Variants in DYRK1A observed in about 807,000 individuals in gnomAD.
DYRK1A encodes the protein dual specificity tyrosine phosphorylation regulated kinase 1A.
A neutral mutation model predicts 79.7 loss-of-function variants in DYRK1A; 9 were observed. That is an observed-to-expected ratio of 0.11 (90% CI 0.07 to 0.20). The LOEUF is 0.20. Among genes scored for constraint, DYRK1A ranks in the 10% least tolerant of loss-of-function variants. DYRK1A has a pLI of 1.00. For missense variants in DYRK1A, 622 were observed against 956.0 expected (o/e 0.65, Z 4.61); for synonymous variants, 349 against 329.7 (o/e 1.06, Z -0.63).
At chr21:37,471,450 C>T (rs1334424048) in intron 2 of DYRK1A, among the ~76,000 whole-genome samples, 1 of 152,202 alleles carries the variant, frequency 6.6e-6, no homozygotes, top group African/African-American at 2.4e-5. Flanking sequence ...ACAAGGTGGG[C>T]ACTGGCCCCA....
At chr21:37,472,607 G>A (rs1470374020) in intron 2 of DYRK1A, 77 bp from the exon 3 acceptor site, 1 of 1,246,440 alleles carries the variant, frequency 8.0e-7, no homozygotes, top group Non-Finnish European at 1.1e-6. Context: ...TCTTATTTAA[G>A]GAACCATTAG....
At chr21:37,379,863 G>T (rs554740913) in intron 1 of DYRK1A, among the ~76,000 whole-genome samples, 2 of 152,240 alleles carry the variant, frequency 1.3e-5, no homozygotes, top group African/African-American at 4.8e-5. Flanking sequence ...TATTTATTGA[G>T]CACCTGCTGG....
At chr21:37,371,358 A>C (rs1308376571) in intron 1 of DYRK1A, among the ~76,000 whole-genome samples, 1 of 152,242 alleles carries the variant, frequency 6.6e-6, no homozygotes, top group Non-Finnish European at 1.5e-5. Flanking sequence ...TGGAAACAAA[A>C]TGATTTGGAA....
At chr21:37,509,002 T>G (rs2053677801) in intron 11 of DYRK1A, among the ~76,000 whole-genome samples, 1 of 152,228 alleles carries the variant, frequency 6.6e-6, no homozygotes, top group Non-Finnish European at 1.5e-5. Flanking sequence ...CCCACCTGGA[T>G]TTCACAGAGG....
chr21:37,492,357 T>G (rs1227949447), intron 7 of DYRK1A, among the ~76,000 whole-genome samples: 1 of 152,212 alleles, frequency 6.6e-6, no homozygotes, highest in African/African-American at 2.4e-5. Context: ...TGAAACAAAT[T>G]GGTCTCTGAA....
chr21:37,395,347 C>T (rs1228626796), intron 1 of DYRK1A, among the ~76,000 whole-genome samples: 1 of 152,138 alleles, frequency 6.6e-6, no homozygotes, highest in African/African-American at 2.4e-5. Context: ...AGGATGATGT[C>T]GCCCTTCAAG....
Position 37,512,828 on chromosome 21 carries a change from A to C in DYRK1A, c.*297A>C. Reference sequence around the variant, plus strand: ...GGGTTTTTTTGTCTTTCTATTCAGCAAAAGTTAATATTCAGATGTTGGTCT... The same window carrying C: ...GGGTTTTTTTGTCTTTCTATTCAGCCAAAGTTAATATTCAGATGTTGGTCT... On this transcript the variant is annotated 3_prime_UTR_variant, in exon 12 of 12. Coordinates refer to ENST00000647188, the MANE Select transcript of DYRK1A (RefSeq NM_001347721.2). The C allele has an allele frequency of 5.6e-6, 2 of 359,722 alleles. No individual in the cohort carries two copies. Among genetic ancestry groups the C allele is most frequent in the South Asian group, 1.3e-4 (2 of 15,276 alleles). The allele number at this position is 359,722 out of a possible 1,614,324, so 22.3% of individuals were successfully genotyped here.
At chr21:37,408,166 T>C (rs1046696544) in intron 1 of DYRK1A, among the ~76,000 whole-genome samples, 3 of 152,254 alleles carry the variant, frequency 2.0e-5, no homozygotes, top group African/African-American at 7.2e-5. Flanking sequence ...TCAGTCATGG[T>C]ATGTTTGTAA....
chr21:37,377,608 A>G (rs1206929063), intron 1 of DYRK1A, among the ~76,000 whole-genome samples: 1 of 152,144 alleles, frequency 6.6e-6, no homozygotes, highest in Non-Finnish European at 1.5e-5. Flanking sequence ...AGCTGAGATT[A>G]TAGGTGTACA....
chr21:37,465,636 A>T (rs1473215336), intron 2 of DYRK1A, among the ~76,000 whole-genome samples: 1 of 152,166 alleles, frequency 6.6e-6, no homozygotes, highest in East Asian at 1.9e-4. Context: ...CAGGAGTTCA[A>T]GACCAGCCTG....
At chr21:37,405,835 G>A (rs755539660) in intron 1 of DYRK1A, among the ~76,000 whole-genome samples, 1 of 152,132 alleles carries the variant, frequency 6.6e-6, no homozygotes, top group East Asian at 1.9e-4. Context: ...GTGACAGCAA[G>A]CCTCACTCTA....
Position 37,512,156 on chromosome 21 carries a change from C to A in DYRK1A, c.1890C>A (p.Ser630Arg). 1 of 1,614,172 alleles carries A rather than the reference C, an allele frequency of 6.2e-7. No homozygotes were observed. Among genetic ancestry groups the A allele is most frequent in the Non-Finnish European group, 8.5e-7 (1 of 1,180,026 alleles). The change falls in exon 12 of 12, where the codon AGC becomes AGA. Residue 630 changes from serine (S) to arginine (R), a missense_variant. By Grantham distance (110) the Ser-to-Arg change is moderately radical. This residue lies in a region of DYRK1A where 292 missense variants were observed against 316.7 expected (regional missense o/e 0.92). Coordinates refer to ENST00000647188, the MANE Select transcript of DYRK1A (RefSeq NM_001347721.2). Reference sequence around the variant, plus strand: ...GGGTCTACAATTCTCCAACGAATAGCTCCTCTACCCAAGATTCTATGGAGG... The same window carrying A: ...GGGTCTACAATTCTCCAACGAATAGATCCTCTACCCAAGATTCTATGGAGG... ...RPRVYNSPTNSSSTQDSMEVG... is the reference protein window; with the variant it reads ...RPRVYNSPTNRSSTQDSMEVG...
At chr21:37,395,741 C>G (rs944787560) in intron 1 of DYRK1A, among the ~76,000 whole-genome samples, 3 of 152,022 alleles carry the variant, frequency 2.0e-5, no homozygotes, top group African/African-American at 7.2e-5. Flanking sequence ...TAAGATTTTA[C>G]TTACATTTAA....
Position 37,478,234 on chromosome 21 carries a change from C to T in DYRK1A, c.234C>T (p.Asp78=), listed in dbSNP as rs1049764. 4.8e-4 allele frequency: 781 copies of T among 1,613,992 alleles called. No homozygotes were observed. Among genetic ancestry groups the T allele is most frequent in the Non-Finnish European group, 6.1e-4 (722 of 1,179,980 alleles). The part of the protein sequence containing the change: ...NQRRMPQTFR[D]PATAPLRKLS... ...GGCGGATGCCCCAAACCTTCCGTGA[C>T]CCAGCAACTGCTCCCCTGAGAAAAC... Residue 78 remains aspartate, a synonymous_variant, in exon 4 of 12, where the codon GAC becomes GAT. Coordinates refer to ENST00000647188, the MANE Select transcript of DYRK1A (RefSeq NM_001347721.2).
At chr21:37,417,091 A>T (rs1216200368) in intron 1 of DYRK1A, among the ~76,000 whole-genome samples, 1 of 152,150 alleles carries the variant, frequency 6.6e-6, no homozygotes, top group African/African-American at 2.4e-5. Flanking sequence ...TGCACCTGCC[A>T]TTTAGTTTAT....
chr21:37,425,008 G>A lies in DYRK1A; in HGVS notation c.10+4624G>A, dbSNP rs558327155. On this transcript the variant is annotated intron_variant, in intron 2 of 11. Coordinates refer to ENST00000647188, the MANE Select transcript of DYRK1A (RefSeq NM_001347721.2). Reference sequence around the variant, plus strand: ...AAGTAGTATTGTATACTTGGTGGAGGAAATATAAGTGCTTTAGAAATGCAT... The same window carrying A: ...AAGTAGTATTGTATACTTGGTGGAGAAAATATAAGTGCTTTAGAAATGCAT... 3.9e-5 allele frequency among the ~76,000 whole-genome samples: 6 copies of A among 152,310 alleles called. No homozygotes were observed. The South Asian group carries it at 1.2e-3, about 32-fold the overall frequency.
At chr21:37,406,539 AC>A (rs895889274) in intron 1 of DYRK1A, among the ~76,000 whole-genome samples, 11 of 152,044 alleles carry the variant, frequency 7.2e-5, no homozygotes, top group African/African-American at 2.4e-4. Context: ...TACTAAAAAT[AC>A]AAAAACTAGC....
chr21:37,387,174 C>G (rs1414014510), intron 1 of DYRK1A, among the ~76,000 whole-genome samples: 1 of 152,170 alleles, frequency 6.6e-6, no homozygotes, highest in African/African-American at 2.4e-5. Flanking sequence ...AACCCTGTCC[C>G]TATTTTTGTA....
intron 1 of DYRK1A, among the ~76,000 whole-genome samples, chr21:37,393,459 C>T (rs368151299): frequency 2.0e-4 from 31 of 152,242 alleles, no homozygotes; most frequent in African/African-American, 6.7e-4. Context: ...GACTCCCCAA[C>T]CACCAATAGT....
Sources: gnomAD v4.1 joint callset for allele counts (sites outside exome capture counted in the v4.1 genomes callset) on GRCh38, gnomAD v4.1.1 for gene constraint, gnomAD v4.1.1 regional missense constraint, MANE v1.5 for transcripts, NCBI Gene and HGNC (gene_info 2026-07-23, HGNC 2026-07-21) for gene names.